PRR16: variants seen among roughly 807,000 people sequenced by gnomAD.
PRR16 encodes protein Largen.
PRR16 carries 6 observed loss-of-function variants against 18.2 expected under a neutral mutation model. That is an observed-to-expected ratio of 0.33 (90% confidence interval 0.18 to 0.65). PRR16 has a LOEUF of 0.65. PRR16 is among the 30% of genes least tolerant of loss of function. PRR16 has a pLI of 0.74. For synonymous variants in PRR16, 151 were observed against 147.8 expected, an observed-to-expected ratio of 1.02 and a Z score of -0.16; for missense variants, 412 against 376.6, an observed-to-expected ratio of 1.09 and a Z score of -0.78.
the PRR16 span, among the ~76,000 whole-genome samples, chr5:120,760,859 A>C: frequency 6.6e-6 from 1 of 152,054 alleles, no homozygotes; most frequent in African/African-American, 2.4e-5. Flanking sequence ...TGAAAACCTG[A>C]TGGATAGTGC....
At chr5:120,485,800 T>A (rs1460264900) in intron 1 of PRR16, among the ~76,000 whole-genome samples, 1 of 152,056 alleles carries the variant, frequency 6.6e-6, no homozygotes. Flanking sequence ...CCCTCCTGCC[T>A]CCCCCGACCC....
intron 1 of PRR16, among the ~76,000 whole-genome samples, chr5:120,500,769 T>C (rs1478254061): frequency 1.3e-5 from 2 of 152,186 alleles, no homozygotes; most frequent in African/African-American, 2.4e-5. Flanking sequence ...CTAAAGGACA[T>C]AACATGTTTT....
intron 1 of PRR16, among the ~76,000 whole-genome samples, chr5:120,487,168 T>C (rs1412686072): frequency 1.3e-5 from 2 of 152,238 alleles, no homozygotes; most frequent in African/African-American, 4.8e-5. Context: ...AAGTAGTTTT[T>C]TCCAATTCTG....
At chr5:120,757,637 C>G in the PRR16 span, among the ~76,000 whole-genome samples, 76 of 152,044 alleles carry the variant, frequency 5.0e-4, 3 homozygotes, top group South Asian at 9.2e-3. Flanking sequence ...CTCCTTGACA[C>G]AAATATTTCT....
the PRR16 span, among the ~76,000 whole-genome samples, chr5:120,786,966 C>CA: frequency 3.3e-5 from 5 of 152,008 alleles, no homozygotes; most frequent in Non-Finnish European, 7.4e-5. Flanking sequence ...CTATTCCATC[C>CA]AAAAAGTGAG....
the PRR16 span, among the ~76,000 whole-genome samples, chr5:120,792,659 T>C: frequency 6.6e-6 from 1 of 152,178 alleles, no homozygotes; most frequent in Admixed American, 6.5e-5. Context: ...ATAATTATTA[T>C]GTTTACTTAG....
the PRR16 span, among the ~76,000 whole-genome samples, chr5:120,754,508 A>ATGTATTT: frequency 5.5e-4 from 38 of 69,524 alleles, 3 homozygotes; most frequent in South Asian, 1.5e-3. Flanking sequence ...TTTATTATGT[A>ATGTATTT]TATTATATAT....
the PRR16 span, among the ~76,000 whole-genome samples, chr5:120,789,600 C>A: frequency 6.6e-6 from 1 of 152,100 alleles, no homozygotes; most frequent in Middle Eastern, 3.4e-3. Context: ...GAAAGATCTA[C>A]CTCAATGGAA....
chr5:120,636,896 T>G (rs576447903), intron 1 of PRR16, among the ~76,000 whole-genome samples: 3 of 151,844 alleles, frequency 2.0e-5, no homozygotes, highest in African/African-American at 7.2e-5. Flanking sequence ...ATACATCCAA[T>G]AAAGAACTAA....
chr5:120,616,523 C>T (rs989082390), intron 1 of PRR16, among the ~76,000 whole-genome samples: 7 of 152,164 alleles, frequency 4.6e-5, no homozygotes, highest in Non-Finnish European at 8.8e-5. Flanking sequence ...ACATTTTGTT[C>T]AGCAAGCTTA....
At position 120,596,541 on chromosome 5, in the gene PRR16, A is replaced by T. The variant is rs1461034867; in HGVS notation, c.160-89413A>T. Among the ~76,000 whole-genome samples the T allele has an allele frequency of 2.0e-5, 3 of 151,804 alleles. No individual in the cohort carries two copies. In the Admixed American group the frequency reaches 2.0e-4, roughly 10 times the overall value. ...CATAATGAAATATGTCAACCATATG[A>T]AAAGTGCAGAGGATGAGATAATCAA... is the stretch of plus-strand genomic sequence containing the variant. On this transcript the variant is annotated intron_variant, in intron 1 of 1. Coordinates refer to ENST00000407149, the MANE Select transcript of PRR16 (RefSeq NM_001300783.2).
chr5:120,515,481 T>C (rs1194180454), intron 1 of PRR16, among the ~76,000 whole-genome samples: 1 of 152,176 alleles, frequency 6.6e-6, no homozygotes, highest in Non-Finnish European at 1.5e-5. Context: ...TTAATAATAA[T>C]GATATAAACT....
At chr5:120,615,305 A>G (rs1388647889) in intron 1 of PRR16, among the ~76,000 whole-genome samples, 2 of 151,862 alleles carry the variant, frequency 1.3e-5, no homozygotes, top group African/African-American at 2.4e-5. Flanking sequence ...GATATGAAGA[A>G]CACAGTTCAA....
At chr5:120,748,325 A>G in the PRR16 span, among the ~76,000 whole-genome samples, 4 of 152,100 alleles carry the variant, frequency 2.6e-5, no homozygotes, top group African/African-American at 9.7e-5. Context: ...CTTCTAAAAC[A>G]TATTTGCTTT....
intron 1 of PRR16, among the ~76,000 whole-genome samples, chr5:120,568,436 A>C (rs964457675): frequency 6.6e-6 from 1 of 152,178 alleles, no homozygotes; most frequent in Non-Finnish European, 1.5e-5. Flanking sequence ...TTTATGGGAA[A>C]GATCTTTCCT....
At chr5:120,503,506 G>T (rs984691634) in intron 1 of PRR16, among the ~76,000 whole-genome samples, 1 of 152,108 alleles carries the variant, frequency 6.6e-6, no homozygotes, top group African/African-American at 2.4e-5. Flanking sequence ...CTGACCTATT[G>T]TGTGGTAAGA....
chr5:120,694,459 C>T, the PRR16 span, among the ~76,000 whole-genome samples: 3 of 151,906 alleles, frequency 2.0e-5, no homozygotes, highest in African/African-American at 4.8e-5. Context: ...CCGAGGCGGG[C>T]GGATCACGAG....
chr5:120,687,436 A>G (rs1396977669), downstream of PRR16: 2 of 152,200 alleles, frequency 1.3e-5, no homozygotes, highest in African/African-American at 2.4e-5. Flanking sequence ...AATTTTCTAA[A>G]TGAAATATCA....
chr5:120,734,465 A>G, the PRR16 span, among the ~76,000 whole-genome samples: 10 of 152,356 alleles, frequency 6.6e-5, no homozygotes, highest in African/African-American at 2.4e-4. Context: ...TCTAGAACTT[A>G]GTAAAAAAAT....
Sources: allele counts gnomAD v4.1 joint callset (sites outside exome capture counted in the v4.1 genomes callset), GRCh38; gene constraint gnomAD v4.1.1; transcripts MANE v1.5; gene names NCBI Gene and HGNC (gene_info 2026-07-23, HGNC 2026-07-21).